Variants in BCL7C observed in about 807,000 individuals in gnomAD.
The protein encoded by BCL7C is BAF chromatin remodeling complex subunit BCL7C.
In BCL7C, 8 loss-of-function variants were observed where a neutral mutation model predicts 26.2. The ratio of observed to expected loss-of-function variants is 0.30; its 90% CI spans 0.18 to 0.55. The LOEUF is 0.55. Ranked by LOEUF, BCL7C falls within the 20% of genes least tolerant of loss-of-function variation. The pLI is 0.93. For missense variants in BCL7C, 262 were observed against 298.5 expected, an observed-to-expected ratio of 0.88 and a Z score of 0.90; for synonymous variants, 90 against 116.5, an observed-to-expected ratio of 0.77 and a Z score of 1.47.
Position 30,861,949 on chromosome 16 carries a change from C to T in BCL7C, c.529-26801G>A, listed in dbSNP as rs77274329. On this transcript the variant is annotated intron_variant, in intron 5 of 5. Coordinates refer to the BCL7C transcript ENST00000380317. ...CGTGATCTCAGGTCAATGCAAGCTC[C>T]GCCTCCTGGGTTCATGCCATTCTCC... Among the ~76,000 whole-genome samples the T allele has an allele frequency of 1.9e-4, 28 of 150,326 alleles. No individual in the cohort carries two copies. In the East Asian group the frequency reaches 3.5e-3, roughly 19 times the overall value.
At chr16:30,846,124 A>AG (rs1176378403) in intron 5 of BCL7C, among the ~76,000 whole-genome samples, 2 of 148,670 alleles carry the variant, frequency 1.3e-5, no homozygotes, top group Non-Finnish European at 3.0e-5. Flanking sequence ...AAAAAAAAAA[A>AG]GAAAGATCCT....
In BCL7C at chr16:30,860,027, G is replaced by A. The variant is rs556373406; in HGVS notation, c.529-24879C>T. ...CTCACCAATTTTAAATTGGGTAAGCGGTCTTTTCACTCTCTTCTCCAGCCT... is the reference window on the plus strand; with the variant it reads ...CTCACCAATTTTAAATTGGGTAAGCAGTCTTTTCACTCTCTTCTCCAGCCT... On this transcript the variant is annotated intron_variant, in intron 5 of 5. Coordinates refer to the BCL7C transcript ENST00000380317. Among the ~76,000 whole-genome samples, 42 of 152,196 alleles carry A rather than the reference G, an allele frequency of 2.8e-4. No individual in the cohort carries two copies. In the South Asian group the frequency reaches 7.5e-3, roughly 27 times the overall value.
Position 30,893,034 on chromosome 16 carries a change from T to A in BCL7C, c.172-86A>T. ...CTGAGGCACTGAGAAGCAAAAGGGC[T>A]CAAACTCAGGGGGTGTGGAGCAGAA... is the stretch of plus-strand genomic sequence containing the variant. On this transcript the variant is annotated intron_variant, in intron 2 of 5. Coordinates refer to ENST00000215115, the MANE Select transcript of BCL7C (RefSeq NM_004765.4). The surrounding 1 kb of genome is among the most constrained non-coding windows in gnomAD (Gnocchi z 5.2). 2 of 1,373,116 alleles carry A rather than the reference T, an allele frequency of 1.5e-6. No homozygotes were observed. Among genetic ancestry groups the A allele is most frequent in the Non-Finnish European group, 2.0e-6 (2 of 987,864 alleles). 85.1% of individuals were successfully genotyped at this position (1,373,116 alleles called of 1,614,324 possible).
intron 5 of BCL7C, among the ~76,000 whole-genome samples, chr16:30,882,085 C>T (rs902096199): frequency 1.3e-5 from 2 of 151,966 alleles, no homozygotes; most frequent in Non-Finnish European, 2.9e-5. Context: ...CTCAGCCTCC[C>T]GAGTAGCTGG....
chr16:30,863,930 C>A (rs534641490), intron 5 of BCL7C, among the ~76,000 whole-genome samples: 1 of 152,278 alleles, frequency 6.6e-6, no homozygotes, highest in Admixed American at 6.5e-5. Flanking sequence ...CACTCCAATT[C>A]TTTCACCCTG....
At chr16:30,883,040 G>A (rs1473437629), downstream of BCL7C, among the ~76,000 whole-genome samples, 1 of 152,156 alleles carries the variant, frequency 6.6e-6, no homozygotes, top group Non-Finnish European at 1.5e-5. Flanking sequence ...GGTGGGGGTG[G>A]AACTTAGAGT....
At chr16:30,876,608 G>A (rs2054953934) in intron 5 of BCL7C, among the ~76,000 whole-genome samples, 1 of 152,102 alleles carries the variant, frequency 6.6e-6, no homozygotes, top group South Asian at 2.1e-4. Flanking sequence ...TGAGAAAGAG[G>A]AAGTATAGTG....
At chr16:30,855,460 C>T (rs12102367) in intron 5 of BCL7C, among the ~76,000 whole-genome samples, 33,250 of 151,804 alleles carry the variant, frequency 0.22, 6,308 homozygotes, top group African/African-American at 0.52. Context: ...CCAGGCTGGT[C>T]TTGAACTCCT....
downstream of BCL7C, among the ~76,000 whole-genome samples, chr16:30,885,875 A>G (rs1253410766): frequency 6.6e-6 from 1 of 152,178 alleles, no homozygotes; most frequent in Non-Finnish European, 1.5e-5. Context: ...GTTTAGACAC[A>G]GGGTCTTGCT....
At chr16:30,857,159 C>T (rs1004646551) in intron 5 of BCL7C, among the ~76,000 whole-genome samples, 2 of 151,938 alleles carry the variant, frequency 1.3e-5, no homozygotes, top group Non-Finnish European at 2.9e-5. Flanking sequence ...GAGGCCGAGG[C>T]GGGCAGATCA....
At chr16:30,857,466 T>G (rs1771537648) in intron 5 of BCL7C, among the ~76,000 whole-genome samples, 1 of 151,952 alleles carries the variant, frequency 6.6e-6, no homozygotes, top group South Asian at 2.1e-4. Context: ...ATAATGACAC[T>G]TCTCTGGAAA....
chr16:30,867,506 T>A (rs531437929), intron 5 of BCL7C, among the ~76,000 whole-genome samples: 8 of 152,210 alleles, frequency 5.3e-5, no homozygotes, highest in Non-Finnish European at 1.0e-4. Context: ...CACAATGTAA[T>A]CATGTTGGTC....
At chr16:30,884,342 A>G (rs1417950178), downstream of BCL7C, among the ~76,000 whole-genome samples, 1 of 151,940 alleles carries the variant, frequency 6.6e-6, no homozygotes, top group Non-Finnish European at 1.5e-5. Context: ...TGGTAACCTC[A>G]TTTGTAACAT....
chr16:30,850,530 T>C (rs759432412), intron 5 of BCL7C, among the ~76,000 whole-genome samples: 2 of 152,198 alleles, frequency 1.3e-5, no homozygotes, highest in African/African-American at 2.4e-5. Flanking sequence ...GACTATATCA[T>C]ATAGACTATT....
chr16:30,860,061 AC>A (rs1253126892), intron 5 of BCL7C, among the ~76,000 whole-genome samples: 1 of 12,340 alleles, frequency 8.1e-5, no homozygotes, highest in Admixed American at 1.4e-3. Context: ...CTCTCTTGCT[AC>A]CCTTCAATCT....
chr16:30,875,482 C>G (rs1008573471), intron 5 of BCL7C: 1 of 152,276 alleles, frequency 6.6e-6, no homozygotes, highest in Admixed American at 6.5e-5. Context: ...CGGAGCGTCA[C>G]AAAGGTTGGA....
downstream of BCL7C, among the ~76,000 whole-genome samples, chr16:30,883,164 T>C (rs374242959): frequency 2.7e-5 from 4 of 150,186 alleles, no homozygotes; most frequent in African/African-American, 9.8e-5. Flanking sequence ...AAGAGGGGAG[T>C]GCCCAAGGAC....
chr16:30,865,100 G>A (rs760362562), intron 5 of BCL7C, among the ~76,000 whole-genome samples: 7 of 149,232 alleles, frequency 4.7e-5, no homozygotes, highest in African/African-American at 1.2e-4. Flanking sequence ...CCTGGGAGGC[G>A]GAGCTTGCAG....
chr16:30,859,914 G>A (rs968644550), intron 5 of BCL7C, among the ~76,000 whole-genome samples: 3 of 152,150 alleles, frequency 2.0e-5, no homozygotes, highest in African/African-American at 4.8e-5. Flanking sequence ...GGACTCCTTC[G>A]GGAGACCAGT....
Sources: gnomAD v4.1 joint callset for allele counts (sites outside exome capture counted in the v4.1 genomes callset) on GRCh38, gnomAD v4.1.1 for gene constraint, Gnocchi (gnomAD v3.1) non-coding constraint, MANE v1.5 for transcripts, NCBI Gene and HGNC (gene_info 2026-07-23, HGNC 2026-07-21) for gene names.